RFX2: variants seen among roughly 807,000 people sequenced by gnomAD.
RFX2 encodes regulatory factor X2.
In RFX2, 20 loss-of-function variants were observed where a neutral mutation model predicts 87.8. That is an observed-to-expected ratio of 0.23 (90% CI 0.16 to 0.33). The LOEUF is 0.33. RFX2 is among the 10% of genes least tolerant of loss of function. The probability of loss-of-function intolerance (pLI) is 1.00; values close to 1 mark genes in which losing one functional copy is unlikely to be tolerated. For missense variants in RFX2, 767 were observed against 1,012.3 expected (o/e 0.76, Z 3.29); for synonymous variants, 397 against 431.3 (o/e 0.92, Z 0.98).
At chr19:6,096,157 T>G (rs866115442) in intron 1 of RFX2, among the ~76,000 whole-genome samples, 36 of 152,322 alleles carry the variant, frequency 2.4e-4, no homozygotes, top group African/African-American at 7.9e-4. Flanking sequence ...ACTGCTCAAA[T>G]AAAATAATGG....
chr19:6,072,918 G>T (rs1249757474), intron 1 of RFX2: 6 of 928,068 alleles, frequency 6.5e-6, no homozygotes, highest in Non-Finnish European at 1.0e-5. Flanking sequence ...TCAAAATTAA[G>T]TGTAACTGGA....
At chr19:6,107,828 G>A (rs1161166435) in intron 1 of RFX2, among the ~76,000 whole-genome samples, 7 of 152,004 alleles carry the variant, frequency 4.6e-5, no homozygotes, top group Non-Finnish European at 1.0e-4. Flanking sequence ...GTACTTCAAT[G>A]ATAAACAATG....
At chr19:6,008,666 T>A (rs1414915092) in intron 9 of RFX2, among the ~76,000 whole-genome samples, 1 of 147,376 alleles carries the variant, frequency 6.8e-6, no homozygotes, top group Non-Finnish European at 1.5e-5. Context: ...TGAGCCACCA[T>A]GCCCGGCCAT....
rs1483143219 is a variant in RFX2 at position 6,016,318 on chromosome 19, G to A, written c.598-47C>T. 5.6e-6 allele frequency: 8 copies of A among 1,429,338 alleles called. No individual in the cohort carries two copies. The highest frequency in any genetic ancestry group is 7.7e-6 in the Non-Finnish European group (8 of 1,037,548). The allele number at this position is 1,429,338 out of a possible 1,614,324, so 88.5% of individuals were successfully genotyped here. On this transcript the variant is annotated intron_variant, in intron 6 of 17. Coordinates refer to ENST00000303657, the MANE Select transcript of RFX2 (RefSeq NM_000635.4). The surrounding 1 kb of genome is among the most constrained non-coding windows in gnomAD (Gnocchi z 5.4). ...TGCGTTTGTCAGAAGCCTGAGGAAC[G>A]CTAACATGCCAACGTGGACTCATTA... is the stretch of plus-strand genomic sequence containing the variant.
rs545776591 is a variant in RFX2, at chr19:6,074,121, T to C, written c.-8-26617A>G. The stretch of plus-strand genomic sequence containing the variant: ...CAGCCAAGGTCAGCCCTCGGGAAGA[T>C]GGAAAATGAATGAAGGGCAGCTCTG... On this transcript the variant is annotated intron_variant, in intron 1 of 17. Transcript: ENST00000303657. The surrounding 1 kb of genome is among the most constrained non-coding windows in gnomAD (Gnocchi z 5.2). Among the ~76,000 whole-genome samples, 9 of 152,026 alleles carry C rather than the reference T, an allele frequency of 5.9e-5. No individual in the cohort carries two copies. Among genetic ancestry groups the C allele is most frequent in the South Asian group, 2.1e-4 (1 of 4,814 alleles).
chr19:6,087,393 C>A (rs1251643556), intron 1 of RFX2, among the ~76,000 whole-genome samples: 1 of 152,146 alleles, frequency 6.6e-6, no homozygotes, highest in Non-Finnish European at 1.5e-5. Flanking sequence ...CCACAGTCCA[C>A]CAAGCCCAGG....
intron 1 of RFX2, among the ~76,000 whole-genome samples, chr19:6,093,409 C>A (rs1275476670): frequency 6.6e-6 from 1 of 152,116 alleles, no homozygotes; most frequent in Non-Finnish European, 1.5e-5. Flanking sequence ...GTGGCACATG[C>A]CTGTAATCCC....
intron 5 of RFX2, among the ~76,000 whole-genome samples, chr19:6,034,011 T>C (rs1191807046): frequency 6.6e-6 from 1 of 152,150 alleles, no homozygotes; most frequent in Non-Finnish European, 1.5e-5. Flanking sequence ...GGACAAAAGC[T>C]CTGCTATGCA....
rs1473597541 is a variant in RFX2 at position 6,004,306 on chromosome 19, A to G, written c.1403-8T>C. The G allele has an allele frequency of 6.2e-7, 1 of 1,609,460 alleles. No homozygotes were observed. On this transcript the variant is annotated splice_region_variant and splice_polypyrimidine_tract_variant and intron_variant, in intron 12 of 17. Transcript: ENST00000303657. This position sits in a 1 kb window ranked among gnomAD's most constrained non-coding sequence, Gnocchi z 4.8. ...TGGCCTGTGTCAAGGTACCTGGGGG[A>G]TACAGACCATGATATTACCAGGGAG... is the stretch of plus-strand genomic sequence containing the variant.
rs767130700 is a variant in RFX2, at chr19:6,013,071, G to C, written c.814C>G (p.Leu272Val). The C allele has an allele frequency of 3.1e-6, 5 of 1,600,274 alleles. No individual in the cohort carries two copies. The highest frequency in any genetic ancestry group is 4.3e-6 in the Non-Finnish European group (5 of 1,173,872). The change falls in exon 8 of 18, where the codon CTG becomes GTG. Residue 272 changes from leucine (L) to valine (V), a missense_variant. Around this residue, in one of 2 missense-constraint regions of RFX2, gnomAD observed 621 missense variants for 873.0 expected, o/e 0.71. Transcript: ENST00000303657. The surrounding 1 kb of genome is among the most constrained non-coding windows in gnomAD (Gnocchi z 4.1). ...NSKYHYYGIR[L>V]KPDSPLNRLQ... is the part of the protein sequence containing the mutation. Reference sequence around the variant, plus strand: ...CGGTTCAGTGGTGAGTCCGGCTTCAGACGAATCCCATAGTAATGGTACTTC... The same window carrying C: ...CGGTTCAGTGGTGAGTCCGGCTTCACACGAATCCCATAGTAATGGTACTTC...
chr19:6,024,523 G>A lies in RFX2; in HGVS notation c.597+1640C>T, dbSNP rs2086859929. 6.6e-6 allele frequency among the ~76,000 whole-genome samples: 1 copy of A among 152,206 alleles called. No individual in the cohort carries two copies. Among genetic ancestry groups the A allele is most frequent in the Non-Finnish European group, 1.5e-5 (1 of 68,042 alleles). ...AAATATTTCTGCCATTTCTTCTAGTGACCAGCCCCCTGAGGCAAAGGGCAG... is the reference window on the plus strand; with the variant it reads ...AAATATTTCTGCCATTTCTTCTAGTAACCAGCCCCCTGAGGCAAAGGGCAG... On this transcript the variant is annotated intron_variant, in intron 6 of 17. Transcript: ENST00000303657. The surrounding 1 kb of genome is among the most constrained non-coding windows in gnomAD (Gnocchi z 5.0).
chr19:6,095,873 T>C (rs1431374742), intron 1 of RFX2, among the ~76,000 whole-genome samples: 2 of 152,192 alleles, frequency 1.3e-5, no homozygotes, highest in African/African-American at 4.8e-5. Flanking sequence ...AAAATCAAAA[T>C]ATTCTGTGAT....
chr19:6,062,841 C>T (rs1362337715), intron 1 of RFX2, among the ~76,000 whole-genome samples: 1 of 152,154 alleles, frequency 6.6e-6, no homozygotes, highest in East Asian at 1.9e-4. Context: ...TGATCGTTCC[C>T]TCTGTCTATC....
chr19:6,077,217 G>T (rs1388733160), intron 1 of RFX2: 1 of 152,200 alleles, frequency 6.6e-6, no homozygotes, highest in African/African-American at 2.4e-5. Context: ...AAAAGGAGAG[G>T]CCATTTGCCT....
At chr19:6,078,287 A>G (rs1000408932) in intron 1 of RFX2, 9 of 150,404 alleles carry the variant, frequency 6.0e-5, no homozygotes, top group African/African-American at 2.2e-4. Flanking sequence ...TGAACCATAC[A>G]CTTCAAATGG....
intron 1 of RFX2, among the ~76,000 whole-genome samples, chr19:6,054,750 C>T (rs2087310647): frequency 6.6e-6 from 1 of 152,124 alleles, no homozygotes; most frequent in Admixed American, 6.5e-5. Context: ...CATGAACTTA[C>T]TTACACACAA....
rs2086751940 is a variant in RFX2, at chr19:6,017,898, T to C, written c.598-1627A>G. 7.1e-6 allele frequency among the ~76,000 whole-genome samples: 1 copy of C among 140,002 alleles called. No homozygotes were observed. Among genetic ancestry groups the C allele is most frequent in the African/African-American group, 2.6e-5 (1 of 38,764 alleles). The allele number at this position is 140,002 out of a possible 152,430, so 91.8% of individuals were successfully genotyped here. On this transcript the variant is annotated intron_variant, in intron 6 of 17. Coordinates refer to ENST00000303657, the MANE Select transcript of RFX2 (RefSeq NM_000635.4). The surrounding 1 kb of genome is among the most constrained non-coding windows in gnomAD (Gnocchi z 4.1). ...GCACCCCCCCGCCCCACTGTCACGT[T>C]TGCCTGTCTGTTTGCCCCATCCCCA...
Position 6,045,838 on chromosome 19 carries a change from A to C in RFX2, c.91-1556T>G, listed in dbSNP as rs1420549711. Among the ~76,000 whole-genome samples the C allele has an allele frequency of 6.6e-6, 1 of 151,772 alleles. No homozygotes were observed. Among genetic ancestry groups the C allele is most frequent in the Non-Finnish European group, 1.5e-5 (1 of 67,968 alleles). ...AAGCATGTGCCACAATGCTCGGCTA[A>C]TTTATTATTATTATTATTTTTTGTA... On this transcript the variant is annotated intron_variant, in intron 2 of 17. Transcript: ENST00000303657. The surrounding 1 kb of genome is among the most constrained non-coding windows in gnomAD (Gnocchi z 5.2).
In RFX2 at chr19:6,040,980, C is replaced by T. The variant is rs939922955; in HGVS notation, c.261-739G>A. On this transcript the variant is annotated intron_variant, in intron 4 of 17. Transcript: ENST00000303657. The surrounding 1 kb of genome is among the most constrained non-coding windows in gnomAD (Gnocchi z 6.1). ...CATGTACTCCACATGCAAGCACACA[C>T]GCAAAAGCACGTGCATACAGACTGG... 1.3e-5 allele frequency among the ~76,000 whole-genome samples: 2 copies of T among 152,140 alleles called. No individual in the cohort carries two copies. The highest frequency in any genetic ancestry group is 2.9e-5 in the Non-Finnish European group (2 of 68,032).
Sources: allele counts gnomAD v4.1 joint callset (sites outside exome capture counted in the v4.1 genomes callset), GRCh38; gene constraint gnomAD v4.1.1; regional missense constraint gnomAD v4.1.1; non-coding constraint Gnocchi (gnomAD v3.1); transcripts MANE v1.5; gene names NCBI Gene and HGNC (gene_info 2026-07-23, HGNC 2026-07-21).